NOL4: variants seen among roughly 807,000 people sequenced by gnomAD.
NOL4 encodes cancer/testis antigen 125.
In NOL4, 17 loss-of-function variants were observed where a neutral mutation model predicts 75.9. That is an observed-to-expected ratio of 0.22 (90% CI 0.15 to 0.34). The LOEUF (loss-of-function observed/expected upper bound fraction) is 0.34. Among genes scored for constraint, NOL4 ranks in the 10% least tolerant of loss-of-function variants. The pLI, the probability that NOL4 is intolerant of heterozygous loss-of-function variation, is 1.00. For synonymous variants in NOL4, 292 were observed against 289.9 expected (o/e 1.01, Z -0.07); for missense variants, 614 against 793.5 (o/e 0.77, Z 2.72).
intron 5 of NOL4, among the ~76,000 whole-genome samples, chr18:34,037,967 A>G (rs2075981718): frequency 6.6e-6 from 1 of 152,146 alleles, no homozygotes; most frequent in African/African-American, 2.4e-5. Context: ...TCAGTTGAAT[A>G]GGAGAGAATA....
At chr18:33,991,777 C>A (rs1048522532) in intron 6 of NOL4, among the ~76,000 whole-genome samples, 5 of 151,944 alleles carry the variant, frequency 3.3e-5, no homozygotes, top group Non-Finnish European at 5.9e-5. Context: ...TGCTCAATAG[C>A]CACACATAGC....
At chr18:34,099,362 C>CAAAAAACAAAAAAAAAAA (rs2078936057) in intron 4 of NOL4, among the ~76,000 whole-genome samples, 1 of 80,092 alleles carries the variant, frequency 1.2e-5, no homozygotes, top group Non-Finnish European at 2.4e-5. Context: ...GACTTTGTCT[C>CAAAAAACAAAAAAAAAAA]AAAAAAAAAA....
At chr18:33,894,956 C>T (rs1426993769) in intron 9 of NOL4, among the ~76,000 whole-genome samples, 1 of 152,012 alleles carries the variant, frequency 6.6e-6, no homozygotes, top group East Asian at 1.9e-4. Flanking sequence ...TTCGTAATAA[C>T]TCAGAGAGTG....
intron 5 of NOL4, among the ~76,000 whole-genome samples, chr18:34,085,286 C>T (rs2078195227): frequency 6.6e-6 from 1 of 152,154 alleles, no homozygotes; most frequent in African/African-American, 2.4e-5. Context: ...TTGGTCCTAA[C>T]AGAAATTTGG....
intron 1 of NOL4, among the ~76,000 whole-genome samples, chr18:34,203,717 T>TCTCTCTCTCACACACACACACA (rs1261546835): frequency 1.4e-5 from 1 of 72,264 alleles, no homozygotes; most frequent in African/African-American, 5.0e-5. Context: ...TCTCTCTCTC[T>TCTCTCTCTCACACACACACACA]CACACACACA....
At chr18:34,222,126 C>G in intron 1 of NOL4, 1 of 1,532,920 alleles carries the variant, frequency 6.5e-7, no homozygotes, top group Non-Finnish European at 8.7e-7. Context: ...GGCTCCCCAG[C>G]CCCACTGGCT....
At chr18:34,222,273 AC>A (rs2037371399) in intron 1 of NOL4, 8 of 1,326,158 alleles carry the variant, frequency 6.0e-6, no homozygotes. Context: ...TAGCGCCTAA[AC>A]CCATCTTTCT....
At position 33,874,681 on chromosome 18, in the gene NOL4, C is replaced by T. The variant is rs538226300; in HGVS notation, c.1723+8563G>A. Among the ~76,000 whole-genome samples the T allele has an allele frequency of 3.3e-5, 5 of 151,938 alleles. No individual in the cohort carries two copies. The East Asian group carries it at 7.8e-4, about 24-fold the overall frequency. ...AAAATGGTGGGGAGAAGCTGGTTAT[C>T]GTGGAATGAAAAGTAAAAGGGAGGT... On this transcript the variant is annotated intron_variant, in intron 10 of 10. Coordinates refer to ENST00000261592, the MANE Select transcript of NOL4 (RefSeq NM_003787.5).
intron 6 of NOL4, among the ~76,000 whole-genome samples, chr18:33,969,773 A>AG (rs60330044): frequency 1.3e-5 from 2 of 151,520 alleles, no homozygotes; most frequent in African/African-American, 2.4e-5. Flanking sequence ...AAAAAAAAAA[A>AG]GATCAAATTT....
At chr18:33,878,038 C>G (rs541680328) in intron 10 of NOL4, among the ~76,000 whole-genome samples, 118 of 152,048 alleles carry the variant, frequency 7.8e-4, no homozygotes, top group South Asian at 3.5e-3. Context: ...TGGCTCACAT[C>G]CTTTCCCTAA....
chr18:34,064,243 G>C (rs191447286), intron 5 of NOL4, among the ~76,000 whole-genome samples: 43 of 152,046 alleles, frequency 2.8e-4, no homozygotes, highest in African/African-American at 9.6e-4. Flanking sequence ...CCTTAGCCAA[G>C]TTTTCTTATT....
At chr18:34,048,425 G>A in intron 5 of NOL4, 1 of 984,618 alleles carries the variant, frequency 1.0e-6, no homozygotes, top group Non-Finnish European at 1.2e-6. Flanking sequence ...TACTCTGGAG[G>A]AGCTGACACT....
At chr18:33,971,507 G>A (rs2071058241) in intron 6 of NOL4, among the ~76,000 whole-genome samples, 1 of 152,146 alleles carries the variant, frequency 6.6e-6, no homozygotes, top group Admixed American at 6.5e-5. Flanking sequence ...GAAATTTTGA[G>A]GTGATGTATT....
intron 5 of NOL4, among the ~76,000 whole-genome samples, chr18:34,029,300 G>C (rs2075514476): frequency 6.6e-6 from 1 of 151,856 alleles, no homozygotes; most frequent in African/African-American, 2.4e-5. Context: ...TCCCTTATTG[G>C]GACACATCAT....
intron 2 of NOL4, among the ~76,000 whole-genome samples, chr18:34,108,894 T>C (rs938331030): frequency 1.3e-5 from 2 of 152,072 alleles, no homozygotes; most frequent in African/African-American, 4.8e-5. Flanking sequence ...AGAATACACA[T>C]ACTACTCACG....
intron 10 of NOL4, among the ~76,000 whole-genome samples, chr18:33,881,437 T>A (rs1046647410): frequency 6.6e-6 from 1 of 151,384 alleles, no homozygotes; most frequent in African/African-American, 2.4e-5. Context: ...CATCCCTGTC[T>A]TGTGCCAGTT....
intron 8 of NOL4, among the ~76,000 whole-genome samples, chr18:33,952,860 G>A (rs937995919): frequency 1.3e-5 from 2 of 152,156 alleles, no homozygotes; most frequent in African/African-American, 4.8e-5. Context: ...GGAGGTGGAG[G>A]TTGCGGTGAG....
intron 6 of NOL4, among the ~76,000 whole-genome samples, chr18:34,009,292 C>G (rs537579351): frequency 6.6e-6 from 1 of 151,510 alleles, no homozygotes; most frequent in African/African-American, 2.4e-5. Context: ...ATAAGTGTAA[C>G]TAAAAGGAAA....
intron 1 of NOL4, among the ~76,000 whole-genome samples, chr18:34,180,308 C>T (rs1425174273): frequency 5.3e-5 from 8 of 151,528 alleles, no homozygotes; most frequent in African/African-American, 1.9e-4. Context: ...GAATTTATCT[C>T]ATATGGATAA....
Sources: allele counts gnomAD v4.1 joint callset (sites outside exome capture counted in the v4.1 genomes callset), GRCh38; gene constraint gnomAD v4.1.1; transcripts MANE v1.5; gene names NCBI Gene and HGNC (gene_info 2026-07-23, HGNC 2026-07-21).